The following FABP7 variants were observed in gnomAD, a reference collection of about 807,000 sequenced individuals.
FABP7 encodes fatty acid-binding protein, brain.
In FABP7, 13 loss-of-function variants were observed where a neutral mutation model predicts 14.2. The observed-to-expected ratio is 0.91, with a 90% confidence interval of 0.59 to 1.45. FABP7 has a LOEUF of 1.45. Among genes scored for constraint, FABP7 ranks in the 40% most tolerant of loss-of-function variants. FABP7 has a pLI of 0.00. For missense variants in FABP7, 149 were observed against 157.6 expected (o/e 0.95, Z 0.29); for synonymous variants, 49 against 51.4 (o/e 0.95, Z 0.20).
intron 1 of FABP7, 97 bp from the exon 2 acceptor site, chr6:122,780,194 C>T (rs1412673213): frequency 1.5e-6 from 2 of 1,291,510 alleles, no homozygotes; most frequent in Non-Finnish European, 2.2e-6. Flanking sequence ...GAAACTTACA[C>T]TTTAGAACGT....
chr6:122,779,972 C>A, intron 1 of FABP7, 105 bp downstream of exon 1: 1 of 1,089,308 alleles, frequency 9.2e-7, no homozygotes, highest in Non-Finnish European at 1.4e-6. Flanking sequence ...AGACAGATCA[C>A]ATTGCCCTGA....
chr6:122,753,711 C>G, the FABP7 span, among the ~76,000 whole-genome samples: 1 of 151,798 alleles, frequency 6.6e-6, no homozygotes, highest in Non-Finnish European at 1.5e-5. Flanking sequence ...TGAAAGTACA[C>G]TCCACAGTGT....
intron 3 of FABP7, chr6:122,782,668 A>G (rs1361953253): frequency 3.0e-6 from 3 of 985,252 alleles, no homozygotes; most frequent in Non-Finnish European, 3.6e-6. Flanking sequence ...AGAATGCTTT[A>G]CATAGTCCTT....
chr6:122,761,284 A>G, the FABP7 span, among the ~76,000 whole-genome samples: 1 of 152,174 alleles, frequency 6.6e-6, no homozygotes, highest in Non-Finnish European at 1.5e-5. Flanking sequence ...CAAATACTAT[A>G]GAAATACCAA....
In FABP7 at chr6:122,780,065, C is replaced by T. The variant is rs557459208; in HGVS notation, c.73+198C>T. On this transcript the variant is annotated intron_variant, in intron 1 of 3. Transcript: ENST00000368444. ...CCTTCTTACCCAGGGCCAATAAAAA[C>T]AGAACATTTGCTATTCCGTGGAGAA... 2.0e-5 allele frequency among the ~76,000 whole-genome samples: 3 copies of T among 152,306 alleles called. No individual in the cohort carries two copies. The South Asian group carries it at 6.2e-4, about 32-fold the overall frequency.
rs776991428 is a variant in FABP7 at position 122,780,518 on chromosome 6, A to G, written c.246+55A>G. 7 of 1,535,448 alleles carry G rather than the reference A, an allele frequency of 4.6e-6. No homozygotes were observed. In the East Asian group the frequency reaches 1.6e-4, roughly 35 times the overall value. ...GATGGGGAGAGGGGAATAAAGATAA[A>G]GATTTCCAATGCATGTTTTTTTTAA... On this transcript the variant is annotated intron_variant, in intron 2 of 3. Transcript: ENST00000368444.
chr6:122,754,767 C>T, the FABP7 span, among the ~76,000 whole-genome samples: 2 of 152,146 alleles, frequency 1.3e-5, no homozygotes, highest in South Asian at 4.2e-4. Context: ...CCTCATACCT[C>T]TTGATTTCAT....
chr6:122,763,133 A>T, the FABP7 span, among the ~76,000 whole-genome samples: 1 of 152,228 alleles, frequency 6.6e-6, no homozygotes, highest in Non-Finnish European at 1.5e-5. Flanking sequence ...ACCTGACTTC[A>T]AACTATACTA....
At chr6:122,781,000 A>G in intron 2 of FABP7, 93 bp from the exon 3 acceptor site, 1 of 1,419,222 alleles carries the variant, frequency 7.0e-7, no homozygotes, top group Admixed American at 2.5e-5. Flanking sequence ...GATTTATTCA[A>G]TTATACAACT....
At chr6:122,756,386 C>G in the FABP7 span, among the ~76,000 whole-genome samples, 2 of 152,200 alleles carry the variant, frequency 1.3e-5, no homozygotes, top group Non-Finnish European at 2.9e-5. Flanking sequence ...TTCCCCTCTT[C>G]ATTCTATTAA....
the FABP7 span, among the ~76,000 whole-genome samples, chr6:122,751,847 G>A: frequency 3.9e-5 from 6 of 152,200 alleles, no homozygotes; most frequent in African/African-American, 1.4e-4. Context: ...TAGCTCCCAG[G>A]CTCTCTTGCT....
intron 3 of FABP7, chr6:122,782,244 A>T (rs960972444): frequency 1.1e-6 from 1 of 940,016 alleles, no homozygotes; most frequent in Non-Finnish European, 1.3e-6. Context: ...ACAAAGTACC[A>T]CAAACTTGGT....
chr6:122,750,583 G>C, the FABP7 span, among the ~76,000 whole-genome samples: 3 of 152,082 alleles, frequency 2.0e-5, no homozygotes, highest in Admixed American at 2.0e-4. Context: ...CATGTCTTTG[G>C]ATTTTTTCAT....
chr6:122,754,839 C>T, the FABP7 span, among the ~76,000 whole-genome samples: 6 of 152,106 alleles, frequency 3.9e-5, no homozygotes, highest in East Asian at 1.9e-4. Flanking sequence ...TCATAGCCCT[C>T]GCACCCACAC....
At chr6:122,760,708 G>A in the FABP7 span, among the ~76,000 whole-genome samples, 1 of 151,760 alleles carries the variant, frequency 6.6e-6, no homozygotes, top group Admixed American at 6.6e-5. Context: ...TTTATAAGTG[G>A]TTCTTTTTTA....
chr6:122,753,778 A>C, the FABP7 span, among the ~76,000 whole-genome samples: 2 of 95,836 alleles, frequency 2.1e-5, no homozygotes, highest in Non-Finnish European at 4.7e-5. Context: ...CTTGGGTCCA[A>C]ATCCCGCCCC....
chr6:122,783,981 TC>T lies in FABP7; in HGVS notation c.*225del, dbSNP rs2243373. On this transcript the variant is annotated 3_prime_UTR_variant, in exon 4 of 4. Transcript: ENST00000368444. ...TTTTATAATTTGAATTAAAGTTTTG[TC>T]CCCCCCCCCCTTTTTTTTATAAACA... The T allele has an allele frequency of 0.72, 207,785 of 286,828 alleles. 72,701 individuals are homozygous for T. Among genetic ancestry groups the T allele is most frequent in the East Asian group, 0.87 (13,303 of 15,320 alleles). 17.8% of individuals were successfully genotyped at this position (286,828 alleles called of 1,614,324 possible).
At chr6:122,775,273 C>T (rs1275249927), upstream of FABP7, among the ~76,000 whole-genome samples, 2 of 151,898 alleles carry the variant, frequency 1.3e-5, no homozygotes, top group Non-Finnish European at 2.9e-5. Context: ...TACTAAAAAG[C>T]TATAGTAACA....
the FABP7 span, among the ~76,000 whole-genome samples, chr6:122,767,659 C>T: frequency 2.0e-5 from 3 of 150,970 alleles, no homozygotes; most frequent in African/African-American, 7.4e-5. Flanking sequence ...GCCTGTAATT[C>T]CCCCACTTAG....
Sources: gnomAD v4.1 joint callset for allele counts (sites outside exome capture counted in the v4.1 genomes callset) on GRCh38, gnomAD v4.1.1 for gene constraint, MANE v1.5 for transcripts, NCBI Gene and HGNC (gene_info 2026-07-23, HGNC 2026-07-21) for gene names.